ITK: variants seen among roughly 807,000 people sequenced by gnomAD.
The protein encoded by ITK is tyrosine-protein kinase ITK/TSK.
ITK carries 45 observed loss-of-function variants against 87.6 expected under a neutral mutation model. The observed-to-expected ratio is 0.51, with a 90% CI of 0.40 to 0.66. The LOEUF is 0.66. Among genes scored for constraint, ITK ranks in the 30% least tolerant of loss-of-function variants. The probability of loss-of-function intolerance (pLI) is 0.00; values close to 1 mark genes in which losing one functional copy is unlikely to be tolerated. For synonymous variants in ITK, 303 were observed against 273.6 expected (o/e 1.11, Z -1.06); for missense variants, 605 against 766.3 (o/e 0.79, Z 2.48).
rs1754218643 is a variant in ITK, at chr5:157,212,863, G to GA, written c.326-1320dup. On this transcript the variant is annotated intron_variant, in intron 3 of 16. Coordinates refer to ENST00000422843, the MANE Select transcript of ITK (RefSeq NM_005546.4). Reference sequence around the variant, plus strand: ...TCTTACCCCACCAAAAAAAAAAGAAGAAAAAAAAGGAATCAAAAGGGCCCC... The same window carrying GA: ...TCTTACCCCACCAAAAAAAAAAGAAGAAAAAAAAAGGAATCAAAAGGGCCCC... 4.0e-5 allele frequency among the ~76,000 whole-genome samples: 6 copies of GA among 150,712 alleles called. No individual in the cohort carries two copies. The South Asian group carries it at 8.4e-4, about 21-fold the overall frequency.
At chr5:157,186,913 A>G (rs1363065156) in intron 1 of ITK, among the ~76,000 whole-genome samples, 1 of 152,194 alleles carries the variant, frequency 6.6e-6, no homozygotes, top group Non-Finnish European at 1.5e-5. Context: ...ACTGTAGTCA[A>G]GTCCTGATGA....
At chr5:157,242,046 G>A (rs940327273) in intron 11 of ITK, among the ~76,000 whole-genome samples, 1 of 152,146 alleles carries the variant, frequency 6.6e-6, no homozygotes, top group Non-Finnish European at 1.5e-5. Flanking sequence ...CCTTAGCACT[G>A]TGTTTCCACC....
intron 1 of ITK, among the ~76,000 whole-genome samples, chr5:157,207,359 A>G (rs1754100168): frequency 7.5e-6 from 1 of 133,152 alleles, no homozygotes; most frequent in Non-Finnish European, 1.6e-5. Flanking sequence ...ATGCTTTATC[A>G]CGTATCTAGA....
chr5:157,187,055 C>A (rs1467003602), intron 1 of ITK, among the ~76,000 whole-genome samples: 2 of 152,246 alleles, frequency 1.3e-5, no homozygotes, highest in African/African-American at 4.8e-5. Flanking sequence ...TGGAATCCAA[C>A]CACACCAGGT....
intron 1 of ITK, among the ~76,000 whole-genome samples, chr5:157,186,019 T>C (rs1456687873): frequency 6.6e-6 from 1 of 152,096 alleles, no homozygotes; most frequent in Non-Finnish European, 1.5e-5. Flanking sequence ...ACTCTGTAAG[T>C]TAGGAACTGT....
chr5:157,214,399 G>A, intron 4 of ITK, 80 bp downstream of exon 4: 1 of 1,171,008 alleles, frequency 8.5e-7, no homozygotes. Context: ...ATCATTGAGG[G>A]TGTCAGGAAC....
intron 7 of ITK, among the ~76,000 whole-genome samples, chr5:157,229,268 T>C (rs915275146): frequency 6.6e-6 from 1 of 152,238 alleles, no homozygotes; most frequent in African/African-American, 2.4e-5. Context: ...TGATGAGCTG[T>C]GGCATATTTA....
intron 1 of ITK, among the ~76,000 whole-genome samples, chr5:157,182,722 T>G (rs1038368910): frequency 6.6e-6 from 1 of 152,216 alleles, no homozygotes; most frequent in African/African-American, 2.4e-5. Context: ...CTTTAAATAT[T>G]TTTTTCAAAG....
At chr5:157,193,426 A>T (rs972448255) in intron 1 of ITK, among the ~76,000 whole-genome samples, 1 of 152,238 alleles carries the variant, frequency 6.6e-6, no homozygotes, top group Admixed American at 6.5e-5. Flanking sequence ...CAGACATTTC[A>T]TGTGTAACCA....
intron 1 of ITK, among the ~76,000 whole-genome samples, chr5:157,200,536 C>A (rs1375106700): frequency 1.3e-5 from 2 of 152,146 alleles, no homozygotes; most frequent in East Asian, 3.9e-4. Context: ...CCCCGGGGAC[C>A]AACTAGGGAG....
At position 157,222,799 on chromosome 5, in the gene ITK, T is replaced by G. The variant is rs1580894047; in HGVS notation, c.496-64T>G. ...CAGACTGTCTCCCCAGACACCCCGA[T>G]GAAAGGAGGCATTTTACCTCCTTTT... On this transcript the variant is annotated intron_variant, in intron 5 of 16. Transcript: ENST00000422843. 1.4e-5 allele frequency: 22 copies of G among 1,533,088 alleles called. No homozygotes were observed. In the East Asian group the frequency reaches 3.6e-4, roughly 25 times the overall value. The allele number at this position is 1,533,088 out of a possible 1,614,324, so 95.0% of individuals were successfully genotyped here. A position where few individuals can be genotyped will look rare whatever the true frequency, so the allele number is the denominator to read the frequency against.
chr5:157,244,222 C>A, intron 12 of ITK, 40 bp from the exon 13 acceptor site: 3 of 1,527,148 alleles, frequency 2.0e-6, no homozygotes, highest in Non-Finnish European at 2.7e-6. Context: ...TTTTGGGAGA[C>A]TGAGTTTAGG....
At chr5:157,226,842 C>T (rs1754541826) in intron 6 of ITK, among the ~76,000 whole-genome samples, 1 of 152,056 alleles carries the variant, frequency 6.6e-6, no homozygotes, top group Admixed American at 6.6e-5. Context: ...CTCTGTCACC[C>T]AGGCCAGAGT....
At chr5:157,235,023 A>C (rs1754749412) in intron 8 of ITK, among the ~76,000 whole-genome samples, 1 of 152,190 alleles carries the variant, frequency 6.6e-6, no homozygotes, top group Admixed American at 6.5e-5. Flanking sequence ...TCGCCACTAG[A>C]CTATAAACAA....
chr5:157,226,573 T>C, intron 6 of ITK, among the ~76,000 whole-genome samples: 1 of 152,180 alleles, frequency 6.6e-6, no homozygotes, highest in South Asian at 2.1e-4. Context: ...CCAAAGAAAG[T>C]ATGCCATGAT....
chr5:157,232,473 T>A (rs1754677570), intron 8 of ITK, 79 bp downstream of exon 8: 1 of 1,025,746 alleles, frequency 9.7e-7, no homozygotes, highest in African/African-American at 1.6e-5. Flanking sequence ...TCCCAGCGAT[T>A]TGGCAGGCCA....
chr5:157,196,054 A>G (rs1429081631), intron 1 of ITK: 4 of 152,220 alleles, frequency 2.6e-5, no homozygotes, highest in Admixed American at 2.6e-4. Flanking sequence ...TGCCACCAAC[A>G]TCTAGTGGGT....
chr5:157,199,257 C>T (rs933559564), intron 1 of ITK: 11 of 152,170 alleles, frequency 7.2e-5, no homozygotes, highest in African/African-American at 2.4e-4. Flanking sequence ...CAGTTCTCCC[C>T]TACTCTGCCT....
At chr5:157,219,323 G>T (rs549544722) in intron 5 of ITK, among the ~76,000 whole-genome samples, 1 of 151,996 alleles carries the variant, frequency 6.6e-6, no homozygotes, top group Non-Finnish European at 1.5e-5. Context: ...ATGTTGGCCA[G>T]GCAGGTCTTG....
Sources: gnomAD v4.1 joint callset for allele counts (sites outside exome capture counted in the v4.1 genomes callset) on GRCh38, gnomAD v4.1.1 for gene constraint, MANE v1.5 for transcripts, NCBI Gene and HGNC (gene_info 2026-07-23, HGNC 2026-07-21) for gene names.